Variants in AP1S3 observed in about 807,000 individuals in gnomAD.
AP1S3 encodes the protein adaptor related protein complex 1 subunit sigma 3.
In AP1S3, 10 loss-of-function variants were observed where a neutral mutation model predicts 20.9. That is an observed-to-expected ratio of 0.48 (90% CI 0.29 to 0.81). AP1S3 has a LOEUF of 0.81. Among genes scored for constraint, AP1S3 ranks in the 30% least tolerant of loss-of-function variants. The pLI is 0.08. For missense variants in AP1S3, 154 were observed against 183.8 expected (o/e 0.84, Z 0.94); for synonymous variants, 41 against 61.5 (o/e 0.67, Z 1.56).
At chr2:223,790,701 A>C (rs538347493) in intron 1 of AP1S3, among the ~76,000 whole-genome samples, 1 of 152,364 alleles carries the variant, frequency 6.6e-6, no homozygotes, top group African/African-American at 2.4e-5. Flanking sequence ...CATATGTTAT[A>C]AAGTGATTAC....
At chr2:223,831,542 G>C (rs1222337156) in intron 1 of AP1S3, among the ~76,000 whole-genome samples, 1 of 152,168 alleles carries the variant, frequency 6.6e-6, no homozygotes, top group Non-Finnish European at 1.5e-5. Context: ...TCATGTCATA[G>C]ATTATGGGGG....
intron 1 of AP1S3, among the ~76,000 whole-genome samples, chr2:223,782,010 TC>T (rs1553584187): frequency 1.4e-5 from 2 of 147,382 alleles, no homozygotes; most frequent in Admixed American, 1.4e-4. Flanking sequence ...AGGCTTTAAG[TC>T]TTTTTTTTTT....
chr2:223,766,753 A>C (rs1183639029), intron 3 of AP1S3, among the ~76,000 whole-genome samples: 1 of 152,230 alleles, frequency 6.6e-6, no homozygotes, highest in African/African-American at 2.4e-5. Context: ...ACACATGCAC[A>C]TGTATGTTTG....
intron 3 of AP1S3, among the ~76,000 whole-genome samples, chr2:223,771,556 C>G (rs1351034647): frequency 6.6e-6 from 1 of 152,144 alleles, no homozygotes. Context: ...ATGGTAGAAA[C>G]TATCATTTAA....
chr2:223,827,542 C>A (rs1359926738), intron 1 of AP1S3, among the ~76,000 whole-genome samples: 3 of 151,968 alleles, frequency 2.0e-5, no homozygotes, highest in Non-Finnish European at 4.4e-5. Context: ...GCCACCACAC[C>A]CAGCTACATT....
intron 1 of AP1S3, among the ~76,000 whole-genome samples, chr2:223,836,072 A>G (rs7582757): frequency 0.49 from 74,726 of 152,044 alleles, 18,464 homozygotes; most frequent in Admixed American, 0.57. Context: ...CCTTTAACAG[A>G]AACCAGCAAC....
chr2:223,796,358 A>G (rs893922896), intron 1 of AP1S3, among the ~76,000 whole-genome samples: 1 of 152,134 alleles, frequency 6.6e-6, no homozygotes, highest in Non-Finnish European at 1.5e-5. Context: ...TCTGACAGCC[A>G]TTTCACAGGT....
chr2:223,762,129 C>T (rs1181746253), intron 4 of AP1S3, among the ~76,000 whole-genome samples: 2 of 151,830 alleles, frequency 1.3e-5, no homozygotes, highest in Non-Finnish European at 2.9e-5. Context: ...CCCACCACTG[C>T]ACCTGGCTAA....
intron 1 of AP1S3, among the ~76,000 whole-genome samples, chr2:223,780,344 GA>G: frequency 7.8e-6 from 1 of 128,758 alleles, no homozygotes; most frequent in African/African-American, 3.2e-5. Flanking sequence ...GAGAGAGAGA[GA>G]GAGAGAGAGA....
chr2:223,798,747 C>T (rs573322696), intron 1 of AP1S3, among the ~76,000 whole-genome samples: 2 of 152,280 alleles, frequency 1.3e-5, no homozygotes, highest in Admixed American at 6.5e-5. Context: ...GTCCTAACCC[C>T]CCAGTACTTC....
intron 1 of AP1S3, among the ~76,000 whole-genome samples, chr2:223,780,829 G>A (rs1690930641): frequency 6.6e-6 from 1 of 151,602 alleles, no homozygotes; most frequent in African/African-American, 2.4e-5. Context: ...GTATATGTGT[G>A]CTTTTCTTAC....
At chr2:223,789,136 G>GA (rs67363404) in intron 1 of AP1S3, among the ~76,000 whole-genome samples, 72,763 of 147,986 alleles carry the variant, frequency 0.49, 18,314 homozygotes, top group African/African-American at 0.63. Flanking sequence ...GAACAAATAG[G>GA]AAAAAAAAAA....
intron 1 of AP1S3, among the ~76,000 whole-genome samples, chr2:223,821,598 GAC>G (rs749388289): frequency 6.6e-6 from 1 of 152,186 alleles, no homozygotes; most frequent in Non-Finnish European, 1.5e-5. Flanking sequence ...ATAGCAGCTA[GAC>G]ACACAGAGAT....
At position 223,811,001 on chromosome 2, in the gene AP1S3, A is replaced by G. The variant is rs6753237; in HGVS notation, c.3+26447T>C. ...AAATATACATAACATGAAATTTCCC[A>G]TTTTTTTTATTTCAATAGCTTTTGA... On this transcript the variant is annotated intron_variant, in intron 1 of 4. Coordinates refer to ENST00000396654, the MANE Select transcript of AP1S3 (RefSeq NM_001039569.2). Among the ~76,000 whole-genome samples the G allele has an allele frequency of 9.1e-3, 1,382 of 151,574 alleles. 38 individuals are homozygous for G. Among genetic ancestry groups the G allele is most frequent in the African/African-American group, 0.032 (1,306 of 41,310 alleles).
intron 1 of AP1S3, among the ~76,000 whole-genome samples, chr2:223,808,709 A>G (rs1202052449): frequency 6.6e-6 from 1 of 152,204 alleles, no homozygotes; most frequent in Non-Finnish European, 1.5e-5. Context: ...TTTTTCAATA[A>G]AATTTAATAG....
At chr2:223,794,006 T>C (rs922613950) in intron 1 of AP1S3, among the ~76,000 whole-genome samples, 4 of 152,224 alleles carry the variant, frequency 2.6e-5, no homozygotes, top group African/African-American at 9.6e-5. Context: ...CTTTGTGTTT[T>C]AGTAAGTTAC....
At chr2:223,774,749 A>G (rs1349720752) in intron 3 of AP1S3, among the ~76,000 whole-genome samples, 1 of 152,234 alleles carries the variant, frequency 6.6e-6, no homozygotes, top group Non-Finnish European at 1.5e-5. Flanking sequence ...GCATAGGAAA[A>G]GACAAAACAA....
chr2:223,810,963 A>T (rs1056859843), intron 1 of AP1S3, among the ~76,000 whole-genome samples: 120 of 152,078 alleles, frequency 7.9e-4, no homozygotes, highest in African/African-American at 2.7e-3. Flanking sequence ...ATTTTTAAAA[A>T]TTTTTTGTGA....
chr2:223,816,906 T>A (rs749211916), intron 1 of AP1S3, among the ~76,000 whole-genome samples: 4 of 152,128 alleles, frequency 2.6e-5, no homozygotes, highest in Admixed American at 6.5e-5. Context: ...GGCGAGTGGA[T>A]CACCTGAGGT....
Sources: gnomAD v4.1 joint callset for allele counts (sites outside exome capture counted in the v4.1 genomes callset) on GRCh38, gnomAD v4.1.1 for gene constraint, MANE v1.5 for transcripts, NCBI Gene and HGNC (gene_info 2026-07-23, HGNC 2026-07-21) for gene names.